TRPM5: variants seen among roughly 807,000 people sequenced by gnomAD.
TRPM5 encodes MLSN1 and TRP-related.
Under a neutral mutation model 124.9 loss-of-function variants are expected in TRPM5, and 121 were observed. That is an observed-to-expected ratio of 0.97 (90% CI 0.84 to 1.13). TRPM5 has a LOEUF of 1.13. Ranked by LOEUF, TRPM5 falls within the 50% of genes most tolerant of loss-of-function variation. TRPM5 has a pLI of 0.00. For missense variants in TRPM5, 1,643 were observed against 1,589.1 expected (o/e 1.03, Z -0.58); for synonymous variants, 781 against 700.5 (o/e 1.11, Z -1.81).
chr11:2,408,371 A>G (rs1206885923), intron 18 of TRPM5, among the ~76,000 whole-genome samples: 3 of 152,182 alleles, frequency 2.0e-5, no homozygotes, highest in Admixed American at 2.0e-4. Flanking sequence ...GGGGCCCAGG[A>G]CTTCTCAGAG....
chr11:2,419,472 CG>C (rs1414821439), intron 4 of TRPM5, among the ~76,000 whole-genome samples: 1 of 149,814 alleles, frequency 6.7e-6, no homozygotes, highest in African/African-American at 2.5e-5. Context: ...AAAAAAGAGC[CG>C]GGCATGGTGG....
chr11:2,436,309 G>A, the TRPM5 span, among the ~76,000 whole-genome samples: 3 of 152,338 alleles, frequency 2.0e-5, no homozygotes, highest in Middle Eastern at 3.4e-3. Context: ...GGGCTTCAGA[G>A]GGTGAGCCCC....
chr11:2,425,338 G>A (rs1277598078), upstream of TRPM5, among the ~76,000 whole-genome samples: 3 of 152,164 alleles, frequency 2.0e-5, no homozygotes, highest in African/African-American at 7.2e-5. Context: ...TTCCTGAGGC[G>A]CCAGGTGTTC....
intron 13 of TRPM5, 60 bp from the exon 19 acceptor site, chr11:2,413,286 T>G: frequency 6.9e-7 from 1 of 1,454,304 alleles, no homozygotes. Flanking sequence ...CCTGCCTGGC[T>G]CCAGGCGCTT....
At chr11:2,418,447 C>A in intron 5 of TRPM5, 80 bp downstream of exon 10, 1 of 1,548,418 alleles carries the variant, frequency 6.5e-7, no homozygotes. Context: ...TCCCTTCAGC[C>A]CTGTCCCAGG....
At position 2,412,992 on chromosome 11, in the gene TRPM5, G is replaced by A. The variant is rs559213664; in HGVS notation, c.2117C>T (p.Ala706Val). ...GCCTCGGTCACCCTGAGCCCTCGGC[G>A]CCTCCACCAGCTCCTCCACCCTGTG... The change falls in exon 15 of 24, where the codon GCG (alanine) becomes GTG (valine). Residue 706 changes from alanine to valine, a missense_variant. Ala to Val is a moderately conservative substitution (Grantham distance 64). Coordinates refer to ENST00000155858, the Ensembl canonical transcript of TRPM5. 1.3e-5 allele frequency: 21 copies of A among 1,605,012 alleles called. No homozygotes were observed. In the East Asian group the frequency reaches 1.3e-4, roughly 10 times the overall value.
intron 16 of TRPM5, 28 bp from the exon 22 acceptor site, chr11:2,411,795 C>T (rs374925750): frequency 6.8e-6 from 11 of 1,610,330 alleles, no homozygotes; most frequent in African/African-American, 2.7e-5. Flanking sequence ...GATGCGGCTG[C>T]GGGGCCCAGA....
intron 6 of TRPM5, 93 bp from the exon 12 acceptor site, chr11:2,417,922 G>A (rs943365672): frequency 3.5e-5 from 44 of 1,261,412 alleles, no homozygotes; most frequent in African/African-American, 4.5e-5. Flanking sequence ...CACAGGCAGC[G>A]TCCCCAGGTG....
chr11:2,418,656 C>T lies in TRPM5; in HGVS notation c.650-65G>A, dbSNP rs551216452. Reference sequence around the variant, plus strand: ...CTGGGGTGACCACCCGGATCTCAGGCTCTCAGGCCACCACATTTTCTGGCC... The same window carrying T: ...CTGGGGTGACCACCCGGATCTCAGGTTCTCAGGCCACCACATTTTCTGGCC... On this transcript the variant is annotated intron_variant, in intron 4 of 23. Transcript: ENST00000155858. 2.4e-4 allele frequency: 361 copies of T among 1,500,464 alleles called. 3 individuals are homozygous for T. In the African/African-American group the frequency reaches 4.7e-3, roughly 19 times the overall value. The allele number at this position is 1,500,464 out of a possible 1,614,324, so 92.9% of individuals were successfully genotyped here.
At chr11:2,414,673 C>T (rs772585322) in intron 11 of TRPM5, 42 bp downstream of exon 16, 1 of 1,463,740 alleles carries the variant, frequency 6.8e-7, no homozygotes, top group South Asian at 1.3e-5. Context: ...CCGTCACATC[C>T]TCCCCCGCGC....
chr11:2,412,514 G>GATACA (rs375543136), intron 15 of TRPM5, among the ~76,000 whole-genome samples: 1 of 152,256 alleles, frequency 6.6e-6, no homozygotes, highest in African/African-American at 2.4e-5. Context: ...CTCAGTCCGT[G>GATACA]ATACAGGTCA....
At chr11:2,409,274 A>G (rs779933630) in intron 18 of TRPM5, among the ~76,000 whole-genome samples, 2 of 151,980 alleles carry the variant, frequency 1.3e-5, no homozygotes, top group Non-Finnish European at 2.9e-5. Context: ...TCCTGGGCAG[A>G]CTGATGACCC....
chr11:2,410,588 T>A lies in TRPM5; in HGVS notation c.2782+764A>T, dbSNP rs562478437. 351 of 424,376 alleles carry A rather than the reference T, an allele frequency of 8.3e-4. 2 individuals are homozygous for A. Among genetic ancestry groups the A allele is most frequent in the African/African-American group, 6.7e-3 (325 of 48,808 alleles). The allele number at this position is 424,376 out of a possible 1,614,324, so 26.3% of individuals were successfully genotyped here. On this transcript the variant is annotated intron_variant, in intron 18 of 23. Transcript: ENST00000155858. ...CAGCCATCCCAGGGGCCTGCACAGG[T>A]CCCTGCCCCACCCCAGAGCTCCCCA...
chr11:2,431,697 C>A, the TRPM5 span, among the ~76,000 whole-genome samples: 2 of 152,040 alleles, frequency 1.3e-5, no homozygotes, highest in Non-Finnish European at 2.9e-5. Context: ...CTCCTGCTGG[C>A]CCCCTCTTCC....
chr11:2,412,708 C>T lies in TRPM5; in HGVS notation c.2355+46G>A, dbSNP rs368642201. ...CAGGACCCAGCTTAGGTTGCCCAAC[C>T]TGAAGCTGCAGAGTGGAGGGGACCT... On this transcript the variant is annotated intron_variant, in intron 15 of 23. Transcript: ENST00000155858. 51 of 1,524,128 alleles carry T rather than the reference C, an allele frequency of 3.3e-5. 1 individual carries two copies. Among genetic ancestry groups the T allele is most frequent in the Non-Finnish European group, 4.4e-5 (50 of 1,137,928 alleles). 94.4% of individuals were successfully genotyped at this position (1,524,128 alleles called of 1,614,324 possible). A position where few individuals can be genotyped will look rare whatever the true frequency, so the allele number is the denominator to read the frequency against.
At chr11:2,415,075 C>A in intron 9 of TRPM5, 28 bp from the exon 15 acceptor site, 1 of 1,591,128 alleles carries the variant, frequency 6.3e-7, no homozygotes, top group Non-Finnish European at 8.5e-7. Context: ...CGGCCTCCTG[C>A]TGCGGCCCCA....
upstream of TRPM5, among the ~76,000 whole-genome samples, chr11:2,423,900 G>A (rs1041888821): frequency 5.3e-5 from 8 of 152,314 alleles, no homozygotes; most frequent in African/African-American, 9.6e-5. Flanking sequence ...GGCTGACCTC[G>A]GTCTGGCTTG....
the TRPM5 span, among the ~76,000 whole-genome samples, chr11:2,438,485 T>C: frequency 0.21 from 32,235 of 151,896 alleles, 5,056 homozygotes; most frequent in African/African-American, 0.43. This position sits in a 1 kb window ranked among gnomAD's most constrained non-coding sequence, Gnocchi z 5.9. Flanking sequence ...GCCAATATGG[T>C]GAAAACCCCA....
intron 21 of TRPM5, 51 bp downstream of exon 26, chr11:2,406,610 C>T (rs774005790): frequency 6.5e-7 from 1 of 1,546,482 alleles, no homozygotes; most frequent in African/African-American, 1.4e-5. Flanking sequence ...TGGCACATCC[C>T]CGCTTAAAGA....
Sources: allele counts gnomAD v4.1 joint callset (sites outside exome capture counted in the v4.1 genomes callset), GRCh38; gene constraint gnomAD v4.1.1; non-coding constraint Gnocchi (gnomAD v3.1); transcripts MANE v1.5; gene names NCBI Gene and HGNC (gene_info 2026-07-23, HGNC 2026-07-21).